NAA15: variants seen among roughly 807,000 people sequenced by gnomAD.
The protein encoded by NAA15 is N-alpha-acetyltransferase 15, NatA auxiliary subunit, also known as N-terminal acetyltransferase.
Under a neutral mutation model 114.0 loss-of-function variants are expected in NAA15, and 34 were observed. That is an observed-to-expected ratio of 0.30 (90% CI 0.23 to 0.40). The LOEUF (loss-of-function observed/expected upper bound fraction) is 0.40. NAA15 is among the 10% of genes least tolerant of loss of function. The pLI is 1.00. For missense variants in NAA15, 658 were observed against 1,004.5 expected (o/e 0.66, Z 4.66); for synonymous variants, 340 against 338.0 (o/e 1.01, Z -0.06).
intron 3 of NAA15, among the ~76,000 whole-genome samples, chr4:139,337,190 T>G (rs1315027199): frequency 2.6e-5 from 4 of 152,236 alleles, no homozygotes; most frequent in Non-Finnish European, 5.9e-5. Context: ...GTGAAAGCTT[T>G]TCTCACTCTT....
At chr4:139,302,063 C>A in intron 1 of NAA15, 2 of 420,434 alleles carry the variant, frequency 4.8e-6, no homozygotes, top group South Asian at 1.3e-4. Flanking sequence ...GCCCTGGTTC[C>A]GGACTAGGCC....
intron 17 of NAA15, among the ~76,000 whole-genome samples, chr4:139,380,125 G>C (rs1388214730): frequency 6.6e-6 from 1 of 152,138 alleles, no homozygotes; most frequent in African/African-American, 2.4e-5. Flanking sequence ...AAACTAATTT[G>C]TGTTACAAAA....
intron 1 of NAA15, among the ~76,000 whole-genome samples, chr4:139,314,596 GCC>G (rs1217607846): frequency 7.2e-5 from 11 of 151,944 alleles, no homozygotes; most frequent in African/African-American, 2.4e-4. Context: ...CTGAGATAGT[GCC>G]ACATTCTTTG....
chr4:139,371,435 T>G (rs1748434056), intron 15 of NAA15, among the ~76,000 whole-genome samples: 1 of 148,530 alleles, frequency 6.7e-6, no homozygotes, highest in Admixed American at 6.8e-5. Context: ...GAATAGCCAT[T>G]GTACTCCAGC....
At chr4:139,353,388 G>C (rs1480821890) in intron 9 of NAA15, among the ~76,000 whole-genome samples, 2 of 152,212 alleles carry the variant, frequency 1.3e-5, no homozygotes, top group East Asian at 1.9e-4. Context: ...GTTAGGTTGA[G>C]GTCATTCAAT....
chr4:139,330,277 CTTA>C (rs1402047043), intron 1 of NAA15, among the ~76,000 whole-genome samples: 1 of 152,112 alleles, frequency 6.6e-6, no homozygotes, highest in Admixed American at 6.5e-5. Flanking sequence ...TTAGTGCTTT[CTTA>C]TTATAAGAAA....
chr4:139,305,813 C>T (rs1380275754), intron 1 of NAA15, among the ~76,000 whole-genome samples: 1 of 152,202 alleles, frequency 6.6e-6, no homozygotes, highest in Non-Finnish European at 1.5e-5. Context: ...GGATTACAGG[C>T]CTGAGCCACT....
chr4:139,388,019 G>A lies in NAA15; in HGVS notation c.2536G>A (p.Asp846Asn). ...TTTCATGCCTCCTGGATATGAAGAG[G>A]ATATGAAGATCACAGTTAATGGAGA... ...LAFMPPGYEE[D>N]MKITVNGDSS... is the part of the protein sequence containing the mutation. The change falls in exon 20 of 20, where the codon GAT (aspartate) becomes AAT (asparagine). Residue 846 changes from aspartate to asparagine, a missense_variant. Transcript: ENST00000296543. 6.2e-7 allele frequency: 1 copy of A among 1,613,890 alleles called. No individual in the cohort carries two copies. Among genetic ancestry groups the A allele is most frequent in the South Asian group, 1.1e-5 (1 of 91,074 alleles).
intron 1 of NAA15, among the ~76,000 whole-genome samples, chr4:139,326,470 C>G (rs1297701681): frequency 2.6e-5 from 4 of 152,210 alleles, no homozygotes. Flanking sequence ...TGATTGCTCT[C>G]CATGATTTAA....
chr4:139,318,105 C>T (rs1341352594), intron 1 of NAA15, among the ~76,000 whole-genome samples: 1 of 152,116 alleles, frequency 6.6e-6, no homozygotes, highest in Non-Finnish European at 1.5e-5. Context: ...CTTCTGTGTC[C>T]AAAACTTCCA....
At chr4:139,386,813 C>A (rs1748921666) in intron 19 of NAA15, among the ~76,000 whole-genome samples, 1 of 151,970 alleles carries the variant, frequency 6.6e-6, no homozygotes, top group Admixed American at 6.6e-5. Context: ...CAGGGCAAGA[C>A]CCTATCTCAA....
chr4:139,308,151 C>T (rs141727265), intron 1 of NAA15, among the ~76,000 whole-genome samples: 20,632 of 151,852 alleles, frequency 0.14, 1,729 homozygotes, highest in Non-Finnish European at 0.18. Context: ...TTAGTAGAGA[C>T]GGGGTTTCAC....
At chr4:139,333,856 C>T (rs895350450) in intron 1 of NAA15, among the ~76,000 whole-genome samples, 3 of 152,062 alleles carry the variant, frequency 2.0e-5, no homozygotes, top group Admixed American at 6.6e-5. Context: ...GCTGTCATCA[C>T]GCCACTGTGC....
chr4:139,339,674 C>T (rs978548739), intron 3 of NAA15, among the ~76,000 whole-genome samples: 3 of 152,048 alleles, frequency 2.0e-5, no homozygotes, highest in African/African-American at 7.2e-5. Context: ...TTGCTTGAAC[C>T]TGGGAGGCAG....
intron 6 of NAA15, among the ~76,000 whole-genome samples, chr4:139,346,613 C>T (rs148462275): frequency 0.01 from 1,545 of 151,628 alleles, 24 homozygotes; most frequent in African/African-American, 0.036. Flanking sequence ...TGCAGTGGCG[C>T]GATCTTGGCT....
chr4:139,310,559 T>C (rs1172902687), intron 1 of NAA15, among the ~76,000 whole-genome samples: 1 of 151,802 alleles, frequency 6.6e-6, no homozygotes, highest in East Asian at 1.9e-4. Context: ...GTGTGACTCA[T>C]TTTTCTTATT....
intron 15 of NAA15, among the ~76,000 whole-genome samples, chr4:139,374,024 G>A (rs1479379726): frequency 6.6e-6 from 1 of 151,838 alleles, no homozygotes; most frequent in Non-Finnish European, 1.5e-5. Flanking sequence ...TTTTCCTGTT[G>A]TATATATACT....
chr4:139,357,638 T>C (rs1747999511), intron 11 of NAA15, 83 bp downstream of exon 11: 4 of 887,598 alleles, frequency 4.5e-6, no homozygotes, highest in South Asian at 3.6e-5. Context: ...ATTCTAAATA[T>C]AGGAAAAGTG....
chr4:139,344,079 A>C (rs1322436365), intron 5 of NAA15, 107 bp from the exon 6 acceptor site: 7 of 959,388 alleles, frequency 7.3e-6, no homozygotes, highest in Non-Finnish European at 1.1e-5. Flanking sequence ...TAGTTTTATC[A>C]ACCGGATGTT....
Sources: gnomAD v4.1 joint callset for allele counts (sites outside exome capture counted in the v4.1 genomes callset) on GRCh38, gnomAD v4.1.1 for gene constraint, MANE v1.5 for transcripts, NCBI Gene and HGNC (gene_info 2026-07-23, HGNC 2026-07-21) for gene names.